Variants in MARCHF1 observed in about 807,000 individuals in gnomAD.
The protein encoded by MARCHF1 is E3 ubiquitin-protein ligase MARCHF1.
Under a neutral mutation model 54.2 loss-of-function variants are expected in MARCHF1, and 40 were observed. That is an observed-to-expected ratio of 0.74 (90% confidence interval 0.57 to 0.96). The LOEUF (loss-of-function observed/expected upper bound fraction) is 0.96. Ranked by LOEUF, MARCHF1 falls within the 40% of genes least tolerant of loss-of-function variation. The pLI is 0.00. For synonymous variants in MARCHF1, 236 were observed against 236.3 expected (o/e 1.00, Z 0.01); for missense variants, 586 against 656.5 (o/e 0.89, Z 1.17).
chr4:163,742,386 C>A (rs1209851512), intron 4 of MARCHF1, among the ~76,000 whole-genome samples: 2 of 75,958 alleles, frequency 2.6e-5, no homozygotes, highest in Admixed American at 1.4e-4. Context: ...CTCGCTACCT[C>A]CTTCCTTCCT....
At chr4:163,603,274 G>A (rs765835803) in intron 7 of MARCHF1, among the ~76,000 whole-genome samples, 16 of 151,922 alleles carry the variant, frequency 1.1e-4, no homozygotes, top group African/African-American at 1.9e-4. Context: ...TAAATTTCAG[G>A]TTCATCTGAA....
intron 4 of MARCHF1, among the ~76,000 whole-genome samples, chr4:163,796,094 T>C (rs369252111): frequency 1.5e-4 from 23 of 151,994 alleles, no homozygotes; most frequent in African/African-American, 4.8e-4. Context: ...GTCTCAGGAG[T>C]AGCAGAGGCA....
Position 164,304,958 on chromosome 4 carries a change from T to C in MARCHF1, c.-323+78912A>G, listed in dbSNP as rs114841939. On this transcript the variant is annotated intron_variant, in intron 1 of 9. Coordinates refer to ENST00000514618, the MANE Select transcript of MARCHF1 (RefSeq NM_001394959.1). Reference sequence around the variant, plus strand: ...CAATTGCTTTTAGATTTTCAGATATTTGATGAATCTGAATGTTTTCATCAA... The same window carrying C: ...CAATTGCTTTTAGATTTTCAGATATCTGATGAATCTGAATGTTTTCATCAA... Among the ~76,000 whole-genome samples, 1,123 of 152,320 alleles carry C rather than the reference T, an allele frequency of 7.4e-3. 13 individuals are homozygous for C. Among genetic ancestry groups the C allele is most frequent in the African/African-American group, 0.025 (1,055 of 41,574 alleles).
intron 4 of MARCHF1, among the ~76,000 whole-genome samples, chr4:163,760,206 T>A (rs1313420962): frequency 6.6e-6 from 1 of 152,206 alleles, no homozygotes; most frequent in African/African-American, 2.4e-5. Flanking sequence ...GCTGATCTGC[T>A]CCTTCTTGTG....
chr4:164,177,305 C>T (rs1349992042), intron 1 of MARCHF1, among the ~76,000 whole-genome samples: 1 of 151,844 alleles, frequency 6.6e-6, no homozygotes. Context: ...AAAGAGAAAT[C>T]CTTTTGTAAA....
intron 3 of MARCHF1, among the ~76,000 whole-genome samples, chr4:163,877,444 A>T (rs1172525920): frequency 1.3e-5 from 2 of 148,892 alleles, no homozygotes; most frequent in Non-Finnish European, 3.0e-5. Flanking sequence ...ATTAGTTTGC[A>T]CTTGGGTGTG....
chr4:163,774,137 T>A (rs1463332444), intron 4 of MARCHF1, among the ~76,000 whole-genome samples: 1 of 152,212 alleles, frequency 6.6e-6, no homozygotes, highest in Non-Finnish European at 1.5e-5. Context: ...AGTATTTGCA[T>A]ATAACCTGTG....
chr4:163,896,882 C>T (rs1164813131), intron 3 of MARCHF1, among the ~76,000 whole-genome samples: 4 of 152,084 alleles, frequency 2.6e-5, no homozygotes, highest in African/African-American at 9.7e-5. Flanking sequence ...CTCTCTAAAA[C>T]TCATCAGTTT....
At chr4:164,171,506 A>G (rs1433714599) in intron 1 of MARCHF1, among the ~76,000 whole-genome samples, 1 of 152,188 alleles carries the variant, frequency 6.6e-6, no homozygotes, top group Non-Finnish European at 1.5e-5. Flanking sequence ...AGTGATTAGA[A>G]GATTATAGTA....
At chr4:164,319,473 A>G (rs1007636999) in intron 1 of MARCHF1, among the ~76,000 whole-genome samples, 13 of 152,138 alleles carry the variant, frequency 8.5e-5, no homozygotes, top group Non-Finnish European at 1.9e-4. Flanking sequence ...AATTCACCCC[A>G]AACTGTGCTG....
rs191594990 is a variant in MARCHF1, at chr4:164,085,973, G to T, written c.-248+25615C>A. ...AGAAATTTTTGTACAGAAATGGGGG[G>T]GTTATAAGAATTTATTACTTTGGTT... On this transcript the variant is annotated intron_variant, in intron 2 of 9. Coordinates refer to ENST00000514618, the MANE Select transcript of MARCHF1 (RefSeq NM_001394959.1). 1.7e-3 allele frequency among the ~76,000 whole-genome samples: 259 copies of T among 151,152 alleles called. 1 individual carries two copies. Among genetic ancestry groups the T allele is most frequent in the African/African-American group, 5.9e-3 (242 of 41,286 alleles).
chr4:164,291,428 A>G (rs2111367590), intron 1 of MARCHF1, among the ~76,000 whole-genome samples: 1 of 152,162 alleles, frequency 6.6e-6, no homozygotes, highest in South Asian at 2.1e-4. Flanking sequence ...GTAGAGAGTG[A>G]TGTCTGGACT....
intron 5 of MARCHF1, among the ~76,000 whole-genome samples, chr4:163,626,162 T>A (rs1741864440): frequency 6.6e-6 from 1 of 152,248 alleles, no homozygotes; most frequent in Admixed American, 6.5e-5. Context: ...GCACTAATTT[T>A]ATCAAAGTTA....
In MARCHF1 at chr4:163,559,661, C is replaced by T. The variant is rs376441276; in HGVS notation, c.1192-13918G>A. ...ATTTTAGAACCTCCGATTATCTGCA[C>T]TTGTGTCCTATGTCTATTATTCCTC... On this transcript the variant is annotated intron_variant, in intron 8 of 9. Coordinates refer to ENST00000514618, the MANE Select transcript of MARCHF1 (RefSeq NM_001394959.1). Among the ~76,000 whole-genome samples, 43 of 152,338 alleles carry T rather than the reference C, an allele frequency of 2.8e-4. No homozygotes were observed. In the South Asian group the frequency reaches 8.3e-3, roughly 29 times the overall value.
chr4:164,201,129 G>T (rs1731439996), intron 1 of MARCHF1, among the ~76,000 whole-genome samples: 1 of 152,288 alleles, frequency 6.6e-6, no homozygotes, highest in African/African-American at 2.4e-5. Context: ...ATGCATTTGG[G>T]TTTTATCTTA....
chr4:163,950,636 C>G (rs1752116582), intron 3 of MARCHF1, among the ~76,000 whole-genome samples: 1 of 152,182 alleles, frequency 6.6e-6, no homozygotes, highest in Admixed American at 6.5e-5. Context: ...GTGGGGCATA[C>G]AGCCCCATCC....
chr4:164,383,066 C>A (rs1033410847), intron 1 of MARCHF1: 1 of 152,264 alleles, frequency 6.6e-6, no homozygotes, highest in Non-Finnish European at 1.5e-5. Context: ...TCTCCCTTAA[C>A]TTTGCCATTT....
At chr4:164,113,059 T>C (rs1422741932) in intron 1 of MARCHF1, among the ~76,000 whole-genome samples, 1 of 150,326 alleles carries the variant, frequency 6.7e-6, no homozygotes, top group South Asian at 2.1e-4. Context: ...GGACACTGTC[T>C]TCCAGCTTTA....
At chr4:163,633,290 A>G (rs1742177884) in intron 5 of MARCHF1, among the ~76,000 whole-genome samples, 1 of 152,188 alleles carries the variant, frequency 6.6e-6, no homozygotes, top group Non-Finnish European at 1.5e-5. Context: ...AGACGATCAA[A>G]TTACTCTGAG....
Sources: allele counts gnomAD v4.1 joint callset (sites outside exome capture counted in the v4.1 genomes callset), GRCh38; gene constraint gnomAD v4.1.1; transcripts MANE v1.5; gene names NCBI Gene and HGNC (gene_info 2026-07-23, HGNC 2026-07-21).